Variants in ANO2 observed in about 807,000 individuals in gnomAD.
The protein encoded by ANO2 is anoctamin 2, also known as anoctamin-2.
A neutral mutation model predicts 124.2 loss-of-function variants in ANO2; 101 were observed. That is an observed-to-expected ratio of 0.81 (90% CI 0.69 to 0.96). ANO2 has a LOEUF of 0.96. Ranked by LOEUF, ANO2 falls within the 40% of genes least tolerant of loss-of-function variation. ANO2 has a pLI of 0.00. For missense variants in ANO2, 1,293 were observed against 1,274.5 expected (o/e 1.01, Z -0.22); for synonymous variants, 486 against 482.5 (o/e 1.01, Z -0.09).
At chr12:5,620,878 T>G (rs1012602497) in intron 16 of ANO2, among the ~76,000 whole-genome samples, 1 of 152,188 alleles carries the variant, frequency 6.6e-6, no homozygotes, top group Non-Finnish European at 1.5e-5. Context: ...TAGTTATGTA[T>G]GTTAGCAAAT....
At chr12:5,896,099 A>C (rs923939082) in intron 3 of ANO2, among the ~76,000 whole-genome samples, 1 of 152,154 alleles carries the variant, frequency 6.6e-6, no homozygotes, top group African/African-American at 2.4e-5. Context: ...ACAAAGACAT[A>C]GGAATCATAT....
chr12:5,771,140 G>C (rs982966787), intron 10 of ANO2, among the ~76,000 whole-genome samples: 6 of 152,192 alleles, frequency 3.9e-5, no homozygotes, highest in Non-Finnish European at 8.8e-5. Context: ...TGTATTCTTA[G>C]TGCCTAGAAT....
intron 10 of ANO2, among the ~76,000 whole-genome samples, chr12:5,762,417 C>G (rs1951767868): frequency 6.6e-6 from 1 of 151,926 alleles, no homozygotes; most frequent in Non-Finnish European, 1.5e-5. Flanking sequence ...CTATTTACCT[C>G]TTAGGTTTTC....
intron 4 of ANO2, among the ~76,000 whole-genome samples, chr12:5,849,549 T>A (rs1954801775): frequency 1.3e-5 from 2 of 152,244 alleles, no homozygotes; most frequent in Non-Finnish European, 2.9e-5. Context: ...TGCATGGATC[T>A]TGAGTGTCCC....
intron 3 of ANO2, among the ~76,000 whole-genome samples, chr12:5,916,086 G>A (rs989578740): frequency 6.6e-6 from 1 of 152,052 alleles, no homozygotes; most frequent in Admixed American, 6.5e-5. Flanking sequence ...AGAACAGCCT[G>A]GGCAACATGG....
intron 4 of ANO2, among the ~76,000 whole-genome samples, chr12:5,845,181 C>T (rs1954644182): frequency 6.6e-6 from 1 of 151,954 alleles, no homozygotes; most frequent in South Asian, 2.1e-4. Context: ...GGGAGAAACA[C>T]CTGAGCCCAG....
chr12:5,863,771 A>G (rs1378106217), intron 3 of ANO2, among the ~76,000 whole-genome samples: 1 of 152,212 alleles, frequency 6.6e-6, no homozygotes, highest in Non-Finnish European at 1.5e-5. Context: ...ATGTAAAACA[A>G]TGCAACACTT....
At chr12:5,918,914 G>A (rs189015263) in intron 3 of ANO2, among the ~76,000 whole-genome samples, 96 of 152,276 alleles carry the variant, frequency 6.3e-4, no homozygotes, top group African/African-American at 2.1e-3. Context: ...AATCCAGCAA[G>A]GCATCTATTA....
chr12:5,758,472 C>T (rs145693034), intron 10 of ANO2, among the ~76,000 whole-genome samples: 1 of 152,304 alleles, frequency 6.6e-6, no homozygotes, highest in African/African-American at 2.4e-5. Flanking sequence ...CCATTTATCA[C>T]TGAGCAACAA....
intron 10 of ANO2, among the ~76,000 whole-genome samples, chr12:5,775,440 T>G (rs1418601715): frequency 1.3e-5 from 2 of 150,682 alleles, no homozygotes; most frequent in Non-Finnish European, 2.9e-5. Context: ...TCAAGATGCA[T>G]CCTCCTGAGC....
chr12:5,901,642 C>T (rs963492663), intron 3 of ANO2, among the ~76,000 whole-genome samples: 1 of 152,068 alleles, frequency 6.6e-6, no homozygotes, highest in Non-Finnish European at 1.5e-5. Flanking sequence ...TGGACCTGCT[C>T]GGTAGGTGTT....
intron 2 of ANO2, among the ~76,000 whole-genome samples, chr12:5,921,837 T>G (rs997758082): frequency 6.6e-6 from 1 of 152,072 alleles, no homozygotes; most frequent in African/African-American, 2.4e-5. Flanking sequence ...GAGTGCGCTC[T>G]AACACACACA....
At chr12:5,808,619 C>T (rs141709681) in intron 7 of ANO2, among the ~76,000 whole-genome samples, 1,866 of 152,288 alleles carry the variant, frequency 0.012, 23 homozygotes, top group South Asian at 0.035. Flanking sequence ...AGACTGTAGA[C>T]TGTAGTGAGA....
intron 14 of ANO2, among the ~76,000 whole-genome samples, chr12:5,711,250 G>C (rs996165527): frequency 1.4e-4 from 22 of 152,050 alleles, no homozygotes; most frequent in Non-Finnish European, 2.8e-4. Flanking sequence ...GGAATGTCTT[G>C]GTGCCATTCT....
chr12:5,676,449 T>C (rs1948247322), intron 14 of ANO2, among the ~76,000 whole-genome samples: 2 of 152,134 alleles, frequency 1.3e-5, no homozygotes, highest in African/African-American at 4.8e-5. Flanking sequence ...AAAACTCAGG[T>C]CACAAAATGT....
intron 22 of ANO2, 109 bp from the exon 23 acceptor site, chr12:5,576,124 A>C: frequency 1.5e-5 from 17 of 1,133,570 alleles, no homozygotes; most frequent in African/African-American, 1.6e-5. Context: ...ACAGAAGCTC[A>C]TGCAGCATGA....
At chr12:5,566,439 G>A (rs1452772403) in intron 23 of ANO2, among the ~76,000 whole-genome samples, 4 of 152,126 alleles carry the variant, frequency 2.6e-5, no homozygotes, top group Non-Finnish European at 4.4e-5. Flanking sequence ...GTGAATACTA[G>A]CTCATTTTCT....
intron 20 of ANO2, among the ~76,000 whole-genome samples, chr12:5,598,948 C>T (rs1943796181): frequency 8.1e-6 from 1 of 123,808 alleles, no homozygotes; most frequent in African/African-American, 2.9e-5. Context: ...ACCTCTCACT[C>T]CCTACCGAAA....
At chr12:5,679,345 T>C (rs527745168) in intron 14 of ANO2, among the ~76,000 whole-genome samples, 4 of 152,248 alleles carry the variant, frequency 2.6e-5, no homozygotes, top group East Asian at 1.9e-4. Flanking sequence ...TCAGAGTGAA[T>C]AGATGACCCG....
Sources: gnomAD v4.1 joint callset for allele counts (sites outside exome capture counted in the v4.1 genomes callset) on GRCh38, gnomAD v4.1.1 for gene constraint, MANE v1.5 for transcripts, NCBI Gene and HGNC (gene_info 2026-07-23, HGNC 2026-07-21) for gene names.